Variants in SASH1 observed in about 807,000 individuals in gnomAD.
SASH1 encodes the protein SAM and SH3 domain containing 1, also known as SAM and SH3 domain-containing protein 1.
In SASH1, 44 loss-of-function variants were observed where a neutral mutation model predicts 125.2. The ratio of observed to expected loss-of-function variants is 0.35; its 90% CI spans 0.28 to 0.45. The LOEUF (loss-of-function observed/expected upper bound fraction) is 0.45, where lower values mean the gene tolerates loss of function less well. Ranked by LOEUF, SASH1 falls within the 20% of genes least tolerant of loss-of-function variation. The pLI is 1.00. For synonymous variants in SASH1, 639 were observed against 649.1 expected, an observed-to-expected ratio of 0.98 and a Z score of 0.24; for missense variants, 1,426 against 1,614.5, an observed-to-expected ratio of 0.88 and a Z score of 2.00.
chr6:148,390,206 G>T lies in SASH1; in HGVS notation c.229G>T (p.Val77Leu), dbSNP rs772650830. ...TTATTACAACACCTGTTTCTCCGAC[G>T]TGTGCGAGAGGATGGAGGAGCTGCG... The part of the protein sequence containing the change: ...ADYYNTCFSD[V>L]CERMEELRKR... Residue 77 changes from valine to leucine, a missense_variant, in exon 2 of 20, where the codon GTG becomes TTG. Physicochemically the swap from Val to Leu is conservative, Grantham distance 32. Coordinates refer to ENST00000367467, the MANE Select transcript of SASH1 (RefSeq NM_015278.5). The T allele has an allele frequency of 8.7e-6, 14 of 1,613,270 alleles. No individual in the cohort carries two copies. In the East Asian group the frequency reaches 2.9e-4, roughly 33 times the overall value.
intron 2 of SASH1, among the ~76,000 whole-genome samples, chr6:148,413,438 G>C (rs1326298252): frequency 6.6e-6 from 1 of 152,122 alleles, no homozygotes; most frequent in Non-Finnish European, 1.5e-5. Context: ...ATGCTGGGAG[G>C]GGAGTGTGGC....
Position 148,532,807 on chromosome 6 carries a change from A to G in SASH1, c.1575A>G (p.Thr525=). Residue 525 remains threonine, a synonymous_variant, in exon 14 of 20, where the codon ACA becomes ACG. Transcript: ENST00000367467. The surrounding 1 kb of genome is among the most constrained non-coding windows in gnomAD (Gnocchi z 4.7). The part of the protein sequence containing the change: ...LSGQSSMSGQ[T]VSTTDSSTSN... ...ATGTTTCCTGTACAGGCGGTCAAACAGTGAGCACCACTGATTCCTCAACCA... is the reference window on the plus strand; with the variant it reads ...ATGTTTCCTGTACAGGCGGTCAAACGGTGAGCACCACTGATTCCTCAACCA... 3 of 1,614,226 alleles carry G rather than the reference A, an allele frequency of 1.9e-6. No individual in the cohort carries two copies. The highest frequency in any genetic ancestry group is 2.5e-6 in the Non-Finnish European group (3 of 1,180,040).
At chr6:148,454,296 A>T (rs528411043) in intron 4 of SASH1, among the ~76,000 whole-genome samples, 1 of 152,266 alleles carries the variant, frequency 6.6e-6, no homozygotes, top group African/African-American at 2.4e-5. Flanking sequence ...GACCAACAAT[A>T]ACAGCTATAG....
At chr6:148,242,734 T>C in the SASH1 span, among the ~76,000 whole-genome samples, 12 of 152,328 alleles carry the variant, frequency 7.9e-5, no homozygotes, top group African/African-American at 2.9e-4. Flanking sequence ...TCTGGTGGAA[T>C]ATACTATGGG....
At chr6:148,429,185 C>T (rs1255776011) in intron 2 of SASH1, among the ~76,000 whole-genome samples, 1 of 151,850 alleles carries the variant, frequency 6.6e-6, no homozygotes, top group African/African-American at 2.4e-5. Context: ...TAAATAAAAA[C>T]ATGAAAATAC....
intron 1 of SASH1, among the ~76,000 whole-genome samples, chr6:148,295,067 C>T (rs1779729174): frequency 2.0e-5 from 3 of 151,880 alleles, no homozygotes; most frequent in South Asian, 4.2e-4. Context: ...TTCTCGTTCT[C>T]TCTCTCTCTC....
chr6:148,421,155 AAG>A (rs1293541511), intron 2 of SASH1, among the ~76,000 whole-genome samples: 1 of 75,952 alleles, frequency 1.3e-5, no homozygotes, highest in Non-Finnish European at 3.0e-5. Context: ...GGAAGAAAGA[AAG>A]AAAGAAAGAA....
chr6:148,213,592 A>G, the SASH1 span, among the ~76,000 whole-genome samples: 1 of 151,766 alleles, frequency 6.6e-6, no homozygotes, highest in East Asian at 1.9e-4. Context: ...TCATTTCTCA[A>G]GAAAATTACC....
At position 148,342,885 on chromosome 6, in the gene SASH1, C is replaced by T. The variant is rs1781377939; in HGVS notation, c.-183C>T. 3.2e-6 allele frequency: 1 copy of T among 314,482 alleles called. No individual in the cohort carries two copies. Among genetic ancestry groups the T allele is most frequent in the African/African-American group, 2.2e-5 (1 of 44,522 alleles). The allele number at this position is 314,482 out of a possible 1,614,324, so 19.5% of individuals were successfully genotyped here. A position where few individuals can be genotyped will look rare whatever the true frequency, so the allele number is the denominator to read the frequency against. The stretch of plus-strand genomic sequence containing the variant: ...GTCGCGCAGCCCGTGGCCACCTAGA[C>T]CCGAGGTGCGGGCGCCTGCGAAGGG... On this transcript the variant is annotated 5_prime_UTR_variant, in exon 1 of 20. Coordinates refer to ENST00000367467, the MANE Select transcript of SASH1 (RefSeq NM_015278.5).
intron 1 of SASH1, among the ~76,000 whole-genome samples, chr6:148,336,075 A>T (rs1781144302): frequency 6.6e-6 from 1 of 152,168 alleles, no homozygotes; most frequent in Admixed American, 6.6e-5. Context: ...TTTCACAGAT[A>T]AGATAAACAA....
At chr6:148,508,816 G>A in intron 8 of SASH1, 4 of 820,256 alleles carry the variant, frequency 4.9e-6, no homozygotes, top group Non-Finnish European at 5.2e-6. Context: ...GAGTGGGGAG[G>A]GGGGTGGGAG....
intron 1 of SASH1, among the ~76,000 whole-genome samples, chr6:148,321,961 T>C (rs1209634470): frequency 6.6e-6 from 1 of 152,212 alleles, no homozygotes; most frequent in Non-Finnish European, 1.5e-5. Context: ...GGTATACATA[T>C]ACATTTATTA....
intron 2 of SASH1, among the ~76,000 whole-genome samples, chr6:148,423,616 G>A (rs1271937041): frequency 1.3e-5 from 2 of 152,106 alleles, no homozygotes; most frequent in Admixed American, 6.5e-5. Flanking sequence ...AATCAGTTCC[G>A]ACGTTATTTA....
At chr6:148,302,109 A>G (rs937453529) in intron 1 of SASH1, among the ~76,000 whole-genome samples, 1 of 149,906 alleles carries the variant, frequency 6.7e-6, no homozygotes, top group Non-Finnish European at 1.5e-5. Context: ...AGATCAGGAG[A>G]TCGAGACCAT....
intron 8 of SASH1, chr6:148,513,255 C>T (rs1780251957): frequency 1.0e-6 from 1 of 985,440 alleles, no homozygotes; most frequent in South Asian, 4.7e-5. Context: ...TATCTTCCTA[C>T]TGTTCCATGA....
intron 1 of SASH1, among the ~76,000 whole-genome samples, chr6:148,320,279 A>G (rs1480024179): frequency 2.0e-5 from 3 of 152,218 alleles, no homozygotes; most frequent in Non-Finnish European, 2.9e-5. Flanking sequence ...AGATCTGGAC[A>G]AGACCCTCTG....
At chr6:148,390,767 G>A (rs1003307658) in intron 2 of SASH1, among the ~76,000 whole-genome samples, 4 of 150,152 alleles carry the variant, frequency 2.7e-5, no homozygotes, top group African/African-American at 9.9e-5. Flanking sequence ...CAGCCTGGGC[G>A]ACAGAGCAAG....
the SASH1 span, among the ~76,000 whole-genome samples, chr6:148,224,536 T>C: frequency 6.6e-6 from 1 of 152,094 alleles, no homozygotes; most frequent in East Asian, 1.9e-4. Context: ...AATTTTTGTA[T>C]TTTTAGTAGA....
the SASH1 span, among the ~76,000 whole-genome samples, chr6:148,219,845 A>G: frequency 1.8e-4 from 28 of 152,214 alleles, no homozygotes; most frequent in Admixed American, 3.3e-4. Context: ...GGCTCTTTAC[A>G]GCACAGGTGG....
Sources: gnomAD v4.1 joint callset for allele counts (sites outside exome capture counted in the v4.1 genomes callset) on GRCh38, gnomAD v4.1.1 for gene constraint, Gnocchi (gnomAD v3.1) non-coding constraint, MANE v1.5 for transcripts, NCBI Gene and HGNC (gene_info 2026-07-23, HGNC 2026-07-21) for gene names.